Variants in GKAP1 observed in about 807,000 individuals in gnomAD.
GKAP1 encodes G kinase-anchoring protein 1.
GKAP1 carries 31 observed loss-of-function variants against 56.7 expected under a neutral mutation model. The observed-to-expected ratio is 0.55, with a 90% CI of 0.41 to 0.74. GKAP1 has a LOEUF of 0.74. GKAP1 is among the 30% of genes least tolerant of loss of function. The pLI, the probability that GKAP1 is intolerant of heterozygous loss-of-function variation, is 0.00. For missense variants in GKAP1, 364 were observed against 402.3 expected, an observed-to-expected ratio of 0.90 and a Z score of 0.82; for synonymous variants, 151 against 138.6, an observed-to-expected ratio of 1.09 and a Z score of -0.63.
intron 10 of GKAP1, among the ~76,000 whole-genome samples, chr9:83,747,640 AT>A (rs1237749091): frequency 3.6e-3 from 508 of 141,306 alleles, no homozygotes; most frequent in African/African-American, 5.9e-3. Context: ...ACTATCCAGC[AT>A]TTTTTTTTTT....
intron 9 of GKAP1, among the ~76,000 whole-genome samples, chr9:83,752,882 C>A (rs1480137671): frequency 6.6e-6 from 1 of 151,904 alleles, no homozygotes; most frequent in Non-Finnish European, 1.5e-5. Flanking sequence ...ACCAGCCTGG[C>A]CAACATGGTG....
rs1554742273 is a variant in GKAP1 at position 83,779,448 on chromosome 9, T to TATACACAC, written c.585+933_585+934insGTGTGTAT. On this transcript the variant is annotated intron_variant, in intron 7 of 12. Transcript: ENST00000376371. ...AGCCATATATATATATATATATATA[T>TATACACAC]ACACACACACACACACGCACATATA... is the stretch of plus-strand genomic sequence containing the variant. Among the ~76,000 whole-genome samples the TATACACAC allele has an allele frequency of 1.5e-3, 177 of 119,614 alleles. 3 individuals are homozygous for TATACACAC. The highest frequency in any genetic ancestry group is 5.1e-3 in the African/African-American group (166 of 32,408). 78.5% of individuals were successfully genotyped at this position (119,614 alleles called of 152,430 possible).
chr9:83,795,948 G>C (rs886396531), intron 4 of GKAP1, among the ~76,000 whole-genome samples: 2 of 152,140 alleles, frequency 1.3e-5, no homozygotes, highest in African/African-American at 4.8e-5. Flanking sequence ...AAAGTAGCCA[G>C]CCTGATTCTT....
At chr9:83,749,635 C>G (rs1943353865) in intron 9 of GKAP1, among the ~76,000 whole-genome samples, 1 of 152,092 alleles carries the variant, frequency 6.6e-6, no homozygotes, top group African/African-American at 2.4e-5. Flanking sequence ...TAAGAAAAAT[C>G]ATTTTTTTCC....
intron 4 of GKAP1, chr9:83,792,883 G>A: frequency 2.8e-6 from 1 of 355,372 alleles, no homozygotes; most frequent in South Asian, 6.7e-5. Context: ...TATGGGAGTA[G>A]GAGGAAAGGA....
intron 2 of GKAP1, among the ~76,000 whole-genome samples, chr9:83,811,204 C>T (rs577717561): frequency 6.6e-6 from 1 of 152,296 alleles, no homozygotes; most frequent in South Asian, 2.1e-4. Context: ...ACTAAGCATG[C>T]CTAACTCCAT....
intron 5 of GKAP1, 33 bp from the exon 6 acceptor site, chr9:83,784,871 G>T: frequency 6.9e-7 from 1 of 1,452,822 alleles, no homozygotes; most frequent in Admixed American, 2.3e-5. Flanking sequence ...ATTAAGTTCA[G>T]TTTACAAACT....
chr9:83,784,617 TTTAC>T, intron 6 of GKAP1, 94 bp downstream of exon 6: 1 of 914,342 alleles, frequency 1.1e-6, no homozygotes, highest in East Asian at 2.7e-5. Flanking sequence ...ATGAATAACT[TTTAC>T]TTATTGTTTA....
intron 10 of GKAP1, among the ~76,000 whole-genome samples, chr9:83,744,944 TG>T (rs911386566): frequency 1.3e-5 from 2 of 152,134 alleles, no homozygotes; most frequent in African/African-American, 4.8e-5. Flanking sequence ...GAGAATAGCA[TG>T]GGGGAAAGCA....
intron 10 of GKAP1, among the ~76,000 whole-genome samples, chr9:83,743,142 G>A (rs913565616): frequency 3.3e-5 from 5 of 152,106 alleles, no homozygotes; most frequent in African/African-American, 4.8e-5. Flanking sequence ...CAGCCTGGGC[G>A]ACAGAGAGAG....
intron 4 of GKAP1, among the ~76,000 whole-genome samples, chr9:83,794,889 C>CCTGT (rs1944218306): frequency 1.3e-5 from 2 of 152,070 alleles, no homozygotes; most frequent in South Asian, 4.1e-4. Context: ...GTGGCTCGCG[C>CCTGT]CTGTAATCCC....
intron 3 of GKAP1, among the ~76,000 whole-genome samples, chr9:83,801,779 T>C (rs1944335194): frequency 6.6e-6 from 1 of 152,236 alleles, no homozygotes; most frequent in Non-Finnish European, 1.5e-5. Flanking sequence ...CCAAATCATC[T>C]TAATTCCTAA....
chr9:83,805,276 G>C (rs534509990), intron 3 of GKAP1, among the ~76,000 whole-genome samples: 2 of 152,140 alleles, frequency 1.3e-5, no homozygotes, highest in Non-Finnish European at 2.9e-5. Context: ...CAGCATGCTC[G>C]TTAAGAATCA....
chr9:83,790,434 C>T (rs1000775674), intron 4 of GKAP1, among the ~76,000 whole-genome samples: 2 of 152,048 alleles, frequency 1.3e-5, no homozygotes, highest in African/African-American at 4.8e-5. Flanking sequence ...TCATGGCAAA[C>T]TGATAATAAA....
intron 10 of GKAP1, among the ~76,000 whole-genome samples, chr9:83,744,018 G>A (rs887211397): frequency 6.6e-6 from 1 of 152,106 alleles, no homozygotes; most frequent in Non-Finnish European, 1.5e-5. Flanking sequence ...CCACAGCTCT[G>A]CCAATGTAAG....
rs532925720 is a variant in GKAP1 at position 83,755,186 on chromosome 9, T to A, written c.739-1827A>T. Among the ~76,000 whole-genome samples, 387 of 152,298 alleles carry A rather than the reference T, an allele frequency of 2.5e-3. 2 individuals carry two copies. Among genetic ancestry groups the A allele is most frequent in the African/African-American group, 9.1e-3 (377 of 41,564 alleles). Reference sequence around the variant, plus strand: ...GATAAATGAGGTAGGGAAGTATCTATGAAAAGTGTTCATTGTAGATTTATC... The same window carrying A: ...GATAAATGAGGTAGGGAAGTATCTAAGAAAAGTGTTCATTGTAGATTTATC... On this transcript the variant is annotated intron_variant, in intron 8 of 12. Transcript: ENST00000376371.
At position 83,742,620 on chromosome 9, in the gene GKAP1, A is replaced by G. The variant is rs1203573202; in HGVS notation, c.905-20T>C. ...CTTTCACTGACAAAAAAGGAAAAAC[A>G]GCAGTATAGATTTTCCAGTCACCCA... On this transcript the variant is annotated intron_variant, in intron 10 of 12. Coordinates refer to ENST00000376371, the MANE Select transcript of GKAP1 (RefSeq NM_025211.4). The G allele has an allele frequency of 6.4e-7, 1 of 1,564,972 alleles. No homozygotes were observed. The highest frequency in any genetic ancestry group is 1.1e-5 in the South Asian group (1 of 89,718).
intron 7 of GKAP1, among the ~76,000 whole-genome samples, chr9:83,776,393 G>A (rs927584565): frequency 2.0e-5 from 3 of 151,972 alleles, no homozygotes; most frequent in African/African-American, 7.2e-5. Context: ...CTAAAAAAAA[G>A]AAAAGAAACA....
chr9:83,739,550 T>G lies in GKAP1; in HGVS notation c.*147A>C. The G allele has an allele frequency of 2.1e-6, 1 of 469,838 alleles. No individual in the cohort carries two copies. Among genetic ancestry groups the G allele is most frequent in the Middle Eastern group, 5.4e-4 (1 of 1,856 alleles). 29.1% of individuals were successfully genotyped at this position (469,838 alleles called of 1,614,324 possible). On this transcript the variant is annotated 3_prime_UTR_variant, in exon 13 of 13. Transcript: ENST00000376371. ...CTTTTTCACTTTAAGCCAAAAGAAA[T>G]AAAATTATAGACCATTAGGGAGCTA... is the stretch of plus-strand genomic sequence containing the variant.
Sources: gnomAD v4.1 joint callset for allele counts (sites outside exome capture counted in the v4.1 genomes callset) on GRCh38, gnomAD v4.1.1 for gene constraint, MANE v1.5 for transcripts, NCBI Gene and HGNC (gene_info 2026-07-23, HGNC 2026-07-21) for gene names.